The following GPRC6A variants were observed in gnomAD, a reference collection of about 807,000 sequenced individuals.
GPRC6A encodes the protein G protein-coupled receptor class C group 6 member A.
Under a neutral mutation model 47.0 loss-of-function variants are expected in GPRC6A, and 54 were observed. The ratio of observed to expected loss-of-function variants is 1.15; its 90% CI spans 0.92 to 1.44. The LOEUF is 1.44. GPRC6A is among the 40% of genes most tolerant of loss of function. GPRC6A has a pLI of 0.00. For missense variants in GPRC6A, 1,112 were observed against 1,105.5 expected (o/e 1.01, Z -0.08); for synonymous variants, 347 against 377.1 (o/e 0.92, Z 0.93).
Position 116,806,541 on chromosome 6 carries a change from A to G in GPRC6A, c.1164T>C (p.Ala388=), listed in dbSNP as rs114957708. Residue 388 remains alanine, a synonymous_variant, in exon 3 of 6, where the codon GCT becomes GCC. Transcript: ENST00000310357. ...NHSQRTLAYK[A]NKAIERNFVM... is the part of the protein sequence containing the mutation. ...CGAAGTTCCTTTCTATAGCCTTGTT[A>G]GCCTTGTAGGCCAAAGTCCTTTGAG... 11 of 1,613,610 alleles carry G rather than the reference A, an allele frequency of 6.8e-6. No homozygotes were observed. The African/African-American group carries it at 1.5e-4, about 22-fold the overall frequency.
chr6:116,808,470 T>C (rs1247599752), intron 2 of GPRC6A, among the ~76,000 whole-genome samples: 1 of 152,130 alleles, frequency 6.6e-6, no homozygotes. Context: ...TGTTTAATCG[T>C]TTTGGATTAA....
chr6:116,795,736 C>T lies in GPRC6A; in HGVS notation c.1648G>A (p.Glu550Lys). 6.2e-7 allele frequency: 1 copy of T among 1,610,634 alleles called. No homozygotes were observed. The highest frequency in any genetic ancestry group is 8.5e-7 in the Non-Finnish European group (1 of 1,177,682). Reference sequence around the variant, plus strand: ...CCTGTCTGATTAGTGTAATGATTTTCAGGACAGTTCTGACATTCATAGCAA... The same window carrying T: ...CCTGTCTGATTAGTGTAATGATTTTTAGGACAGTTCTGACATTCATAGCAA... The part of the protein sequence containing the change: ...ICCYECQNCP[E>K]NHYTNQTDMP... The change falls in exon 5 of 6, where the codon GAA becomes AAA. Residue 550 changes from glutamate to lysine, a missense_variant. Coordinates refer to ENST00000310357, the MANE Select transcript of GPRC6A (RefSeq NM_148963.4).
At position 116,822,192 on chromosome 6, in the gene GPRC6A, A is replaced by G. The variant is rs1157879676; in HGVS notation, c.194+6628T>C. On this transcript the variant is annotated intron_variant, in intron 1 of 5. Coordinates refer to ENST00000310357, the MANE Select transcript of GPRC6A (RefSeq NM_148963.4). ...TCTCACACCAGTTAGAATGGCAATCATTAAAAAGTCAGGAAACAACAGGTG... is the reference window on the plus strand; with the variant it reads ...TCTCACACCAGTTAGAATGGCAATCGTTAAAAAGTCAGGAAACAACAGGTG... 2.6e-5 allele frequency among the ~76,000 whole-genome samples: 3 copies of G among 115,828 alleles called. No individual in the cohort carries two copies. The East Asian group carries it at 7.1e-4, about 27-fold the overall frequency. 76.0% of individuals were successfully genotyped at this position (115,828 alleles called of 152,430 possible).
chr6:116,822,019 A>C (rs1312064884), intron 1 of GPRC6A, among the ~76,000 whole-genome samples: 1 of 142,596 alleles, frequency 7.0e-6, no homozygotes, highest in Admixed American at 7.0e-5. Context: ...TACAAGAAAA[A>C]AACGAACAAC....
rs1401326474 is a variant in GPRC6A, at chr6:116,819,688, C to G, written c.194+9132G>C. Among the ~76,000 whole-genome samples, 4 of 152,220 alleles carry G rather than the reference C, an allele frequency of 2.6e-5. No individual in the cohort carries two copies. In the East Asian group the frequency reaches 7.7e-4, roughly 29 times the overall value. On this transcript the variant is annotated intron_variant, in intron 1 of 5. Transcript: ENST00000310357. ...GAACAAAGACACAACATACCAGAGT[C>G]TCTGGGACACATTCAAAGCAGTGTG...
In GPRC6A at chr6:116,792,319, A is replaced by G. The variant is rs202043429; in HGVS notation, c.2604T>C (p.Pro868=). The G allele has an allele frequency of 9.3e-6, 15 of 1,613,788 alleles. No homozygotes were observed. The highest frequency in any genetic ancestry group is 1.2e-5 in the Non-Finnish European group (14 of 1,179,818). The change falls in exon 6 of 6, where the codon CCT becomes CCC. Residue 868 remains proline (P), a synonymous_variant. Transcript: ENST00000310357. ...TGCCGCTCATGGAGTCCAGTGAAGC[A>G]GGACTCAGGGCAATGCTGCTCACAC... The part of the protein sequence containing the change: ...SHSVSSIALS[P]ASLDSMSGNV...
chr6:116,803,834 G>A (rs984583688), intron 3 of GPRC6A, among the ~76,000 whole-genome samples: 1 of 152,010 alleles, frequency 6.6e-6, no homozygotes, highest in Admixed American at 6.6e-5. Context: ...TGTTAATACT[G>A]GATTAGCTGT....
intron 1 of GPRC6A, among the ~76,000 whole-genome samples, chr6:116,822,154 CA>C (rs1773510401): frequency 7.1e-6 from 1 of 140,136 alleles, no homozygotes; most frequent in Non-Finnish European, 1.5e-5. Flanking sequence ...ATCAAAACCA[CA>C]ATGAGATACC....
chr6:116,807,899 CT>C (rs935581831), intron 2 of GPRC6A, among the ~76,000 whole-genome samples: 18 of 152,024 alleles, frequency 1.2e-4, no homozygotes, highest in Non-Finnish European at 2.1e-4. Context: ...AAAGTTTTGC[CT>C]GATTCATAGC....
chr6:116,818,330 C>T (rs1269017483), intron 1 of GPRC6A, among the ~76,000 whole-genome samples: 8 of 150,274 alleles, frequency 5.3e-5, no homozygotes, highest in African/African-American at 9.7e-5. Flanking sequence ...GTCAGGAGAT[C>T]GAGACCATCC....
chr6:116,826,896 A>G (rs1306644906), intron 1 of GPRC6A, among the ~76,000 whole-genome samples: 1 of 152,048 alleles, frequency 6.6e-6, no homozygotes, highest in African/African-American at 2.4e-5. Context: ...TATCATTTGC[A>G]GCAACATGGA....
At chr6:116,819,004 T>G (rs371590291) in intron 1 of GPRC6A, among the ~76,000 whole-genome samples, 1 of 151,986 alleles carries the variant, frequency 6.6e-6, no homozygotes, top group Non-Finnish European at 1.5e-5. Flanking sequence ...AATAAAAGGA[T>G]GGACGAAGAT....
chr6:116,827,439 A>G (rs1157746665), intron 1 of GPRC6A, among the ~76,000 whole-genome samples: 1 of 152,054 alleles, frequency 6.6e-6, no homozygotes, highest in Non-Finnish European at 1.5e-5. Context: ...TGTAAGCTCC[A>G]TTAGAGTTGG....
At chr6:116,821,811 A>G (rs1469015899) in intron 1 of GPRC6A, among the ~76,000 whole-genome samples, 1 of 151,496 alleles carries the variant, frequency 6.6e-6, no homozygotes, top group Non-Finnish European at 1.5e-5. Flanking sequence ...CAAGGACTTC[A>G]TGTCTAAAAC....
chr6:116,815,557 G>T (rs1773177898), intron 1 of GPRC6A, among the ~76,000 whole-genome samples: 1 of 152,118 alleles, frequency 6.6e-6, no homozygotes, highest in South Asian at 2.1e-4. Flanking sequence ...TCCAACAACT[G>T]TAGAATACAC....
rs1357805133 is a variant in GPRC6A at position 116,818,646 on chromosome 6, C to G, written c.195-9029G>C. The stretch of plus-strand genomic sequence containing the variant: ...AAGGAGAAATAAAATACTTTACAGA[C>G]AAGCAAATGCTGAGAGATTTTGTCA... On this transcript the variant is annotated intron_variant, in intron 1 of 5. Transcript: ENST00000310357. 4.3e-5 allele frequency among the ~76,000 whole-genome samples: 6 copies of G among 139,140 alleles called. No homozygotes were observed. In the East Asian group the frequency reaches 9.1e-4, roughly 21 times the overall value. The allele number at this position is 139,140 out of a possible 152,430, so 91.3% of individuals were successfully genotyped here. A position where few individuals can be genotyped will look rare whatever the true frequency, so the allele number is the denominator to read the frequency against.
At chr6:116,799,232 T>G (rs1269057088) in intron 4 of GPRC6A, among the ~76,000 whole-genome samples, 1 of 152,124 alleles carries the variant, frequency 6.6e-6, no homozygotes, top group African/African-American at 2.4e-5. Flanking sequence ...TTTATTTGGG[T>G]TAGAAGTCAG....
chr6:116,799,254 C>G (rs928053329), intron 4 of GPRC6A, among the ~76,000 whole-genome samples: 1 of 152,064 alleles, frequency 6.6e-6, no homozygotes, highest in African/African-American at 2.4e-5. Flanking sequence ...AGATAAAAAT[C>G]TAATAGTCAT....
chr6:116,808,656 A>G lies in GPRC6A; in HGVS notation c.498+658T>C, dbSNP rs1448268837. On this transcript the variant is annotated intron_variant, in intron 2 of 5. Transcript: ENST00000310357. ...ACTTCTATCAGATGGTCATTTCTTT[A>G]TCATCTGAATATAAGCCTTTTTCTT... Among the ~76,000 whole-genome samples, 3 of 152,038 alleles carry G rather than the reference A, an allele frequency of 2.0e-5. No individual in the cohort carries two copies. The East Asian group carries it at 5.8e-4, about 29-fold the overall frequency.
Sources: gnomAD v4.1 joint callset for allele counts (sites outside exome capture counted in the v4.1 genomes callset) on GRCh38, gnomAD v4.1.1 for gene constraint, MANE v1.5 for transcripts, NCBI Gene and HGNC (gene_info 2026-07-23, HGNC 2026-07-21) for gene names.